DYM: variants seen among roughly 807,000 people sequenced by gnomAD.
DYM encodes dyggve-Melchior-Clausen syndrome protein.
DYM carries 78 observed loss-of-function variants against 93.1 expected under a neutral mutation model. That is an observed-to-expected ratio of 0.84 (90% CI 0.70 to 1.01). The LOEUF is 1.01. Among genes scored for constraint, DYM ranks in the 50% least tolerant of loss-of-function variants. DYM has a pLI of 0.00. For missense variants in DYM, 789 were observed against 845.0 expected (o/e 0.93, Z 0.82); for synonymous variants, 321 against 319.7 (o/e 1.00, Z -0.04).
chr18:49,166,014 G>GCA (rs10661852), intron 14 of DYM, among the ~76,000 whole-genome samples: 151,455 of 152,200 alleles, frequency 1, 75,365 homozygotes, highest in Middle Eastern at 1. Flanking sequence ...GTACATAAGA[G>GCA]CACACACTTT....
At chr18:49,329,652 T>G (rs1475556029) in intron 8 of DYM, 1 of 152,288 alleles carries the variant, frequency 6.6e-6, no homozygotes, top group African/African-American at 2.4e-5. Context: ...CCTCCTGCCC[T>G]GTCAGTGACA....
At chr18:49,403,179 C>T (rs1443669535) in intron 2 of DYM, among the ~76,000 whole-genome samples, 1 of 152,194 alleles carries the variant, frequency 6.6e-6, no homozygotes, top group Non-Finnish European at 1.5e-5. Flanking sequence ...CCCTTATCTT[C>T]CCCTGCACTG....
chr18:49,414,333 A>G (rs1406939586), intron 2 of DYM, among the ~76,000 whole-genome samples: 1 of 152,212 alleles, frequency 6.6e-6, no homozygotes, highest in East Asian at 1.9e-4. Flanking sequence ...GACCAGACGA[A>G]AAAACAATAA....
chr18:49,243,847 C>T (rs1024549126), intron 13 of DYM, among the ~76,000 whole-genome samples: 8 of 151,860 alleles, frequency 5.3e-5, no homozygotes, highest in African/African-American at 1.5e-4. Flanking sequence ...ATTATTATGT[C>T]GATATCAGGC....
At chr18:49,251,280 A>G (rs890297187) in intron 13 of DYM, among the ~76,000 whole-genome samples, 3 of 152,242 alleles carry the variant, frequency 2.0e-5, no homozygotes, top group Non-Finnish European at 2.9e-5. Context: ...GACTACTGGC[A>G]TAGTGTGGGT....
intron 1 of DYM, among the ~76,000 whole-genome samples, chr18:49,444,315 T>C (rs2081920587): frequency 6.6e-6 from 1 of 152,190 alleles, no homozygotes; most frequent in Admixed American, 6.5e-5. Context: ...GGCAGAGTTT[T>C]ACTGAAATGT....
At chr18:49,340,173 C>T (rs1362584706) in intron 6 of DYM, among the ~76,000 whole-genome samples, 1 of 151,990 alleles carries the variant, frequency 6.6e-6, no homozygotes, top group Non-Finnish European at 1.5e-5. Context: ...AGGATGGTCT[C>T]GATCTCCTGA....
intron 17 of DYM, among the ~76,000 whole-genome samples, chr18:49,068,387 C>T (rs1487003562): frequency 6.6e-6 from 1 of 152,180 alleles, no homozygotes; most frequent in African/African-American, 2.4e-5. Flanking sequence ...TTTTGGTCCA[C>T]TTCCTTAGGA....
At chr18:49,280,606 T>G (rs1399011109) in intron 10 of DYM, among the ~76,000 whole-genome samples, 1 of 152,152 alleles carries the variant, frequency 6.6e-6, no homozygotes, top group African/African-American at 2.4e-5. Flanking sequence ...GGAGGGATGC[T>G]GTCAAGCCAG....
chr18:49,260,360 C>T (rs952160181), intron 11 of DYM, among the ~76,000 whole-genome samples: 2 of 152,144 alleles, frequency 1.3e-5, no homozygotes, highest in Non-Finnish European at 2.9e-5. Flanking sequence ...CCAGCCTGGG[C>T]GTAGCAGAGT....
At chr18:49,231,629 A>G in intron 13 of DYM, among the ~76,000 whole-genome samples, 1 of 152,232 alleles carries the variant, frequency 6.6e-6, no homozygotes, top group Non-Finnish European at 1.5e-5. Context: ...ACGAGTTGCC[A>G]CATTCCTTTT....
At chr18:49,427,882 G>A (rs1362888481) in intron 2 of DYM, among the ~76,000 whole-genome samples, 4 of 152,124 alleles carry the variant, frequency 2.6e-5, no homozygotes, top group African/African-American at 7.2e-5. Context: ...CCAGGTGTTC[G>A]TTCAAGACCA....
At chr18:49,403,620 G>A (rs2071098462) in intron 2 of DYM, among the ~76,000 whole-genome samples, 1 of 152,058 alleles carries the variant, frequency 6.6e-6, no homozygotes, top group African/African-American at 2.4e-5. Flanking sequence ...AATTCAGAGT[G>A]TACGTGTGCA....
chr18:49,357,100 C>G (rs929523807), intron 6 of DYM, among the ~76,000 whole-genome samples: 10 of 152,140 alleles, frequency 6.6e-5, no homozygotes, highest in African/African-American at 2.2e-4. Flanking sequence ...TTATTCATAC[C>G]TAAGAAGTCC....
intron 14 of DYM, among the ~76,000 whole-genome samples, chr18:49,194,695 G>A (rs1374152537): frequency 2.6e-5 from 4 of 151,888 alleles, no homozygotes; most frequent in Non-Finnish European, 4.4e-5. Context: ...GGGTTTTAAT[G>A]TTACTGTTAG....
At chr18:49,346,327 C>T (rs1411211303) in intron 6 of DYM, among the ~76,000 whole-genome samples, 2 of 152,152 alleles carry the variant, frequency 1.3e-5, no homozygotes, top group Non-Finnish European at 2.9e-5. Flanking sequence ...TATTATATAA[C>T]ATGAATGAAC....
At chr18:49,348,863 C>T (rs1304344422) in intron 6 of DYM, among the ~76,000 whole-genome samples, 7 of 142,770 alleles carry the variant, frequency 4.9e-5, no homozygotes, top group Non-Finnish European at 7.5e-5. Context: ...GAGCCATGAT[C>T]GCGCCATTGC....
chr18:49,054,593 T>A (rs2075310244), intron 17 of DYM, among the ~76,000 whole-genome samples: 1 of 152,198 alleles, frequency 6.6e-6, no homozygotes, highest in Non-Finnish European at 1.5e-5. Flanking sequence ...TATTAGAAGT[T>A]ACAAGTTAAG....
rs1204168151 is a variant in DYM, at chr18:49,419,596, T to TA, written c.140+10658dup. Among the ~76,000 whole-genome samples, 4 of 152,216 alleles carry TA rather than the reference T, an allele frequency of 2.6e-5. No homozygotes were observed. In the East Asian group the frequency reaches 7.7e-4, roughly 29 times the overall value. On this transcript the variant is annotated intron_variant, in intron 2 of 17. Coordinates refer to ENST00000675505, the MANE Select transcript of DYM (RefSeq NM_001353214.3). ...CATTTATTCTTATTCTTAAGTATTT[T>TA]AGTTATTCTTGTTCATTATACTTTT...
Sources: gnomAD v4.1 joint callset for allele counts (sites outside exome capture counted in the v4.1 genomes callset) on GRCh38, gnomAD v4.1.1 for gene constraint, MANE v1.5 for transcripts, NCBI Gene and HGNC (gene_info 2026-07-23, HGNC 2026-07-21) for gene names.